TNRC6B: variants seen among roughly 807,000 people sequenced by gnomAD.
TNRC6B encodes trinucleotide repeat containing adaptor 6B.
A neutral mutation model predicts 203.6 loss-of-function variants in TNRC6B; 52 were observed. The observed-to-expected ratio is 0.26, with a 90% CI of 0.20 to 0.32. The LOEUF (loss-of-function observed/expected upper bound fraction) is 0.32, where lower values mean the gene tolerates loss of function less well. Among genes scored for constraint, TNRC6B ranks in the 10% least tolerant of loss-of-function variants. The pLI, the probability that TNRC6B is intolerant of heterozygous loss-of-function variation, is 1.00. For synonymous variants in TNRC6B, 838 were observed against 845.7 expected (o/e 0.99, Z 0.16); for missense variants, 1,923 against 2,286.2 (o/e 0.84, Z 3.24).
At chr22:40,087,913 TA>T (rs555507962) in intron 1 of TNRC6B, among the ~76,000 whole-genome samples, 221 of 152,234 alleles carry the variant, frequency 1.5e-3, no homozygotes, top group Non-Finnish European at 2.7e-3. Flanking sequence ...AGACCAGACA[TA>T]ATACTTTTCA....
chr22:40,213,023 A>C (rs1460583509), intron 1 of TNRC6B, among the ~76,000 whole-genome samples: 1 of 152,214 alleles, frequency 6.6e-6, no homozygotes, highest in Admixed American at 6.5e-5. Flanking sequence ...CTAGGTCTCA[A>C]CTGTTAGTGA....
At chr22:40,311,778 G>T (rs1056499395) in intron 17 of TNRC6B, among the ~76,000 whole-genome samples, 1 of 152,130 alleles carries the variant, frequency 6.6e-6, no homozygotes, top group Non-Finnish European at 1.5e-5. Context: ...CCTGACCTCA[G>T]GTGATCTGCC....
chr22:40,053,160 TA>T (rs76520904), intron 1 of TNRC6B, among the ~76,000 whole-genome samples: 5,491 of 135,414 alleles, frequency 0.041, 286 homozygotes, highest in African/African-American at 0.13. Context: ...AGATTTTCTT[TA>T]AAAAAAAAAA....
chr22:40,049,000 A>G (rs1475083464), intron 1 of TNRC6B, among the ~76,000 whole-genome samples: 1 of 152,048 alleles, frequency 6.6e-6, no homozygotes, highest in East Asian at 1.9e-4. Context: ...AGCTGGGATT[A>G]TAGGCGTGCA....
intron 4 of TNRC6B, among the ~76,000 whole-genome samples, chr22:40,263,425 G>A (rs545779791): frequency 6.6e-6 from 1 of 152,300 alleles, no homozygotes; most frequent in East Asian, 1.9e-4. Flanking sequence ...CATGTGAAGG[G>A]GCAGGCCCTG....
At chr22:40,115,215 C>G (rs779208257) in intron 1 of TNRC6B, among the ~76,000 whole-genome samples, 12 of 152,202 alleles carry the variant, frequency 7.9e-5, no homozygotes, top group Non-Finnish European at 8.8e-5. Flanking sequence ...AACAACTTTA[C>G]AGGGTTGGCA....
At chr22:40,125,977 A>G (rs1244149717) in intron 3 of TNRC6B, 7 of 1,003,444 alleles carry the variant, frequency 7.0e-6, no homozygotes, top group Non-Finnish European at 9.9e-6. Flanking sequence ...GAGTTAAATT[A>G]GAACCTAACA....
At chr22:40,302,811 G>A (rs368023280) in intron 15 of TNRC6B, among the ~76,000 whole-genome samples, 1 of 152,008 alleles carries the variant, frequency 6.6e-6, no homozygotes, top group Non-Finnish European at 1.5e-5. Flanking sequence ...ATATTTTAAC[G>A]GAATTACTTT....
At chr22:40,071,144 T>G (rs1432519315) in intron 1 of TNRC6B, among the ~76,000 whole-genome samples, 1 of 152,136 alleles carries the variant, frequency 6.6e-6, no homozygotes, top group Non-Finnish European at 1.5e-5. Context: ...TGCTACAGGA[T>G]GTAAGATTAA....
chr22:40,068,257 T>C (rs548668529), intron 1 of TNRC6B, among the ~76,000 whole-genome samples: 5 of 152,324 alleles, frequency 3.3e-5, no homozygotes, highest in South Asian at 2.1e-4. Flanking sequence ...TCCTTTATAG[T>C]GAATAGTGAA....
rs2071417016 is a variant in TNRC6B at position 40,327,338 on chromosome 22, A to G, written c.*4097A>G. 1 of 152,708 alleles carries G rather than the reference A, an allele frequency of 6.5e-6. No homozygotes were observed. Among genetic ancestry groups the G allele is most frequent in the South Asian group, 2.1e-4 (1 of 4,828 alleles). The allele number at this position is 152,708 out of a possible 1,614,324, so 9.5% of individuals were successfully genotyped here. On this transcript the variant is annotated 3_prime_UTR_variant, in exon 23 of 23. Coordinates refer to ENST00000454349, the MANE Select transcript of TNRC6B (RefSeq NM_001162501.2). ...AAAGGCAGTGGGCTGAATTTAAAAT[A>G]AATAAACAAACGTCAAGCAAGTTAA... is the stretch of plus-strand genomic sequence containing the variant.
intron 12 of TNRC6B, among the ~76,000 whole-genome samples, chr22:40,293,368 A>C (rs1045056475): frequency 6.6e-6 from 1 of 151,414 alleles, no homozygotes; most frequent in Non-Finnish European, 1.5e-5. Context: ...TAATTTTTGT[A>C]TTTTTAGTAG....
rs371129649 is a variant in TNRC6B, at chr22:40,260,098, G to A, written c.116-1734G>A. On this transcript the variant is annotated intron_variant, in intron 3 of 22. Coordinates refer to ENST00000454349, the MANE Select transcript of TNRC6B (RefSeq NM_001162501.2). ...GCCCCGACATTCCCACGCTGTGTGC[G>A]GGCCATTTTTAAAATTAAGTTTAAA... Among the ~76,000 whole-genome samples the A allele has an allele frequency of 2.6e-4, 39 of 151,814 alleles. 1 individual carries two copies. Among genetic ancestry groups the A allele is most frequent in the South Asian group, 8.3e-4 (4 of 4,814 alleles).
chr22:40,076,669 G>C (rs980907003), intron 1 of TNRC6B, among the ~76,000 whole-genome samples: 2 of 152,064 alleles, frequency 1.3e-5, no homozygotes, highest in Admixed American at 6.6e-5. Context: ...TCTCAAAGTG[G>C]TGTGAGCCAC....
At position 40,323,709 on chromosome 22, in the gene TNRC6B, A is replaced by T. The variant is rs2071368948; in HGVS notation, c.*468A>T. The stretch of plus-strand genomic sequence containing the variant: ...TCTACCATGTTTGGGAGGGAGGGAA[A>T]TTCAAAAGAATTGTTGGGGGAGGGG... On this transcript the variant is annotated 3_prime_UTR_variant, in exon 23 of 23. Coordinates refer to ENST00000454349, the MANE Select transcript of TNRC6B (RefSeq NM_001162501.2). The T allele has an allele frequency of 7.7e-6, 1 of 129,104 alleles. No individual in the cohort carries two copies. Among genetic ancestry groups the T allele is most frequent in the Non-Finnish European group, 1.6e-5 (1 of 61,960 alleles). The allele number at this position is 129,104 out of a possible 1,614,324, so 8.0% of individuals were successfully genotyped here. A position where few individuals can be genotyped will look rare whatever the true frequency, so the allele number is the denominator to read the frequency against.
chr22:40,187,594 C>T (rs965268786), intron 1 of TNRC6B, among the ~76,000 whole-genome samples: 1 of 152,058 alleles, frequency 6.6e-6, no homozygotes, highest in Admixed American at 6.6e-5. Flanking sequence ...GTGGTGGCTT[C>T]AGGTGGGGGG....
intron 1 of TNRC6B, among the ~76,000 whole-genome samples, chr22:40,113,158 T>C (rs2068355402): frequency 6.6e-6 from 1 of 151,936 alleles, no homozygotes; most frequent in African/African-American, 2.4e-5. Flanking sequence ...AGGAGCGCAA[T>C]AGCTAGAACA....
intron 1 of TNRC6B, among the ~76,000 whole-genome samples, chr22:40,110,318 T>A (rs563948014): frequency 2.6e-5 from 4 of 152,334 alleles, no homozygotes; most frequent in South Asian, 2.1e-4. Context: ...ACAATTGCAA[T>A]AAAACCTGGA....
At chr22:40,080,837 GTT>G (rs58040463) in intron 1 of TNRC6B, among the ~76,000 whole-genome samples, 6,447 of 134,438 alleles carry the variant, frequency 0.048, 421 homozygotes, top group African/African-American at 0.15. Context: ...TTTCTTTTTT[GTT>G]TTTTTTTTTT....
Sources: gnomAD v4.1 joint callset for allele counts (sites outside exome capture counted in the v4.1 genomes callset) on GRCh38, gnomAD v4.1.1 for gene constraint, MANE v1.5 for transcripts, NCBI Gene and HGNC (gene_info 2026-07-23, HGNC 2026-07-21) for gene names.